The following PIGS variants were observed in gnomAD, a reference collection of about 807,000 sequenced individuals.
PIGS encodes the protein GPI-anchor transamidase component PIGS.
In PIGS, 37 loss-of-function variants were observed where a neutral mutation model predicts 58.2. The ratio of observed to expected loss-of-function variants is 0.64; its 90% CI spans 0.49 to 0.84. The LOEUF (loss-of-function observed/expected upper bound fraction) is 0.84. PIGS is among the 40% of genes least tolerant of loss of function. PIGS has a pLI of 0.00. For missense variants in PIGS, 629 were observed against 710.8 expected (o/e 0.88, Z 1.31); for synonymous variants, 269 against 289.2 (o/e 0.93, Z 0.71).
intron 10 of PIGS, chr17:28,555,709 G>C (rs757663352): frequency 5.9e-6 from 1 of 170,938 alleles, no homozygotes; most frequent in Non-Finnish European, 1.3e-5. Flanking sequence ...AGTGGCTCAC[G>C]CCTGTAATCC....
At chr17:28,569,429 C>T (rs2070414070) in intron 3 of PIGS, among the ~76,000 whole-genome samples, 1 of 148,956 alleles carries the variant, frequency 6.7e-6, no homozygotes, top group East Asian at 2.0e-4. Context: ...GGGCCCTGAT[C>T]GTGCCACCAT....
intron 1 of PIGS, 132 bp from the exon 2 acceptor site, chr17:28,571,320 G>A: frequency 6.6e-7 from 1 of 1,510,774 alleles, no homozygotes; most frequent in African/African-American, 1.4e-5. Context: ...GAAGGGACCC[G>A]GCCCAAGCCT....
Position 28,554,287 on chromosome 17 carries a change from AG to A in PIGS, c.1600del (p.Leu534SerfsTer53). 1 of 1,614,190 alleles carries A rather than the reference AG, an allele frequency of 6.2e-7. No individual in the cohort carries two copies. The highest frequency in any genetic ancestry group is 8.5e-7 in the Non-Finnish European group (1 of 1,180,022). On this transcript the variant is annotated frameshift_variant, in exon 12 of 12. Transcript: ENST00000308360. LOFTEE classifies it high-confidence loss of function. Reference sequence around the variant, plus strand: ...CAGGAAGATCTTGACCAGGGACAGGAGGATGGGCACAGCCATAGGCAGGAAG... The same window carrying A: ...CAGGAAGATCTTGACCAGGGACAGGAGATGGGCACAGCCATAGGCAGGAAG... ...PLFLPMAVPILLSLVKIFLET... is the reference protein window; with the variant it reads ...PLFLPMAVPIXLSLVKIFLET...
Position 28,571,507 on chromosome 17 carries a change from G to T in PIGS, c.-11C>A, listed in dbSNP as rs759367119. The T allele has an allele frequency of 6.2e-7, 1 of 1,601,788 alleles. No homozygotes were observed. The highest frequency in any genetic ancestry group is 1.7e-4 in the Middle Eastern group (1 of 6,042). On this transcript the variant is annotated 5_prime_UTR_variant, in exon 1 of 12. Transcript: ENST00000308360. ...CCCGGCGGCCGCCATGCTAGCTTCC[G>T]GCTGCTCCGGCCACCGTGGGGGCAG...
At chr17:28,560,009 A>C in intron 7 of PIGS, 40 bp downstream of exon 7, 4 of 1,574,020 alleles carry the variant, frequency 2.5e-6, no homozygotes, top group Non-Finnish European at 3.4e-6. Context: ...AAATATGTAT[A>C]GACATTGAAA....
intron 3 of PIGS, among the ~76,000 whole-genome samples, chr17:28,565,250 T>A (rs977513109): frequency 3.3e-5 from 5 of 152,036 alleles, no homozygotes; most frequent in Non-Finnish European, 5.9e-5. Flanking sequence ...AAAACCTCAA[T>A]CACATTAACA....
Position 28,570,943 on chromosome 17 carries a change from G to C in PIGS, c.195C>G (p.Val65=). Residue 65 remains valine (V), a synonymous_variant, in exon 3 of 12, where the codon GTC becomes GTG. Transcript: ENST00000308360. The part of the protein sequence containing the change: ...NALQLRLMVP[V]TVVFTRESVP... ...CTGACTCCCGCGTAAACACGACAGT[G>C]ACAGGCACCATGAGGCGGAGCTACA... 1 of 1,614,236 alleles carries C rather than the reference G, an allele frequency of 6.2e-7. No homozygotes were observed. The highest frequency in any genetic ancestry group is 8.5e-7 in the Non-Finnish European group (1 of 1,180,036).
rs746886185 is a variant in PIGS at position 28,570,957 on chromosome 17, G to A, written c.181C>T (p.Leu61Phe). Residue 61 changes from leucine to phenylalanine, a missense_variant, in exon 3 of 12, where the codon CTC (leucine) becomes TTC (phenylalanine). Transcript: ENST00000308360. ...AACACGACAGTGACAGGCACCATGA[G>A]GCGGAGCTACAGGAAGGAGCATCAG... Reference protein sequence around the residue: ...ISGLNALQLRLMVPVTVVFTR... With the variant: ...ISGLNALQLRFMVPVTVVFTR... 2 of 1,614,262 alleles carry A rather than the reference G, an allele frequency of 1.2e-6. No homozygotes were observed. The highest frequency in any genetic ancestry group is 3.3e-5 in the Admixed American group (2 of 60,032).
chr17:28,553,982 C>A lies in PIGS; in HGVS notation c.*238G>T. 1 of 555,084 alleles carries A rather than the reference C, an allele frequency of 1.8e-6. No individual in the cohort carries two copies. Among genetic ancestry groups the A allele is most frequent in the Non-Finnish European group, 3.2e-6 (1 of 312,326 alleles). 34.4% of individuals were successfully genotyped at this position (555,084 alleles called of 1,614,324 possible). ...AGCCTTATCAAACAAGATAAGGAGA[C>A]CCGGATGATGTGCCTTTTGAGGCCC... On this transcript the variant is annotated 3_prime_UTR_variant, in exon 12 of 12. Coordinates refer to ENST00000308360, the MANE Select transcript of PIGS (RefSeq NM_033198.4).
chr17:28,564,715 CAA>C (rs1185487806), intron 3 of PIGS, among the ~76,000 whole-genome samples: 11 of 97,984 alleles, frequency 1.1e-4, no homozygotes, highest in Non-Finnish European at 1.7e-4. Flanking sequence ...AACTCCATCT[CAA>C]AAAAAAAAAA....
chr17:28,571,234 T>C, intron 1 of PIGS, 46 bp from the exon 2 acceptor site: 1 of 1,591,354 alleles, frequency 6.3e-7, no homozygotes, highest in Non-Finnish European at 8.6e-7. Context: ...CGGGCTAGGG[T>C]ACCGGCCCCA....
At chr17:28,566,593 C>CTTTT (rs959977540) in intron 3 of PIGS, among the ~76,000 whole-genome samples, 2 of 131,412 alleles carry the variant, frequency 1.5e-5, no homozygotes, top group Non-Finnish European at 3.3e-5. Context: ...GCCCAGCCTA[C>CTTTT]TTTTTTTTTT....
At position 28,571,129 on chromosome 17, in the gene PIGS, GC is replaced by G; in HGVS notation, c.93del (p.Leu32TyrfsTer23). On this transcript the variant is annotated frameshift_variant, in exon 2 of 12. Transcript: ENST00000308360. LOFTEE classifies it high-confidence loss of function. ...LFFAAVAIVL[G>X]LPLWWKTTET... ...TCCGTGGTCTTCCACCAGAGCGGTAGCCCCAGCACGATGGCCACCGCAGCGA... is the reference window on the plus strand; with the variant it reads ...TCCGTGGTCTTCCACCAGAGCGGTAGCCCAGCACGATGGCCACCGCAGCGA... The G allele has an allele frequency of 6.2e-7, 1 of 1,613,944 alleles. No individual in the cohort carries two copies. Among genetic ancestry groups the G allele is most frequent in the Non-Finnish European group, 8.5e-7 (1 of 1,180,040 alleles).
At chr17:28,567,179 G>C (rs1233055800) in intron 3 of PIGS, among the ~76,000 whole-genome samples, 5 of 152,264 alleles carry the variant, frequency 3.3e-5, no homozygotes, top group Admixed American at 1.3e-4. Context: ...CATAATCTTT[G>C]CATCACCCAA....
At chr17:28,559,653 A>G (rs1446796711) in intron 7 of PIGS, among the ~76,000 whole-genome samples, 1 of 148,882 alleles carries the variant, frequency 6.7e-6, no homozygotes, top group African/African-American at 2.5e-5. Flanking sequence ...GTGAGCTGGG[A>G]TCACACCACT....
chr17:28,556,222 T>C lies in PIGS; in HGVS notation c.1125A>G (p.Pro375=), dbSNP rs1331353964. 3 of 1,613,908 alleles carry C rather than the reference T, an allele frequency of 1.9e-6. No homozygotes were observed. Among genetic ancestry groups the C allele is most frequent in the Middle Eastern group, 3.3e-4 (2 of 6,084 alleles). The change falls in exon 10 of 12, where the codon CCA becomes CCG. Residue 375 remains proline, a synonymous_variant. Transcript: ENST00000308360. ...DSKTYNASVL[P]VRVEVDMVRV... ...GCACCATGTCCACCTCGACTCTCAC[T>C]GGCAGCACTGAGGCATTATAGGTTT...
intron 1 of PIGS, 104 bp downstream of exon 1, chr17:28,571,359 G>A (rs2070428431): frequency 1.3e-6 from 2 of 1,540,332 alleles, no homozygotes; most frequent in Non-Finnish European, 1.8e-6. Flanking sequence ...AGAGACCCCC[G>A]AGCCCCCCGT....
chr17:28,559,963 C>A, intron 7 of PIGS, 86 bp downstream of exon 7: 3 of 1,475,992 alleles, frequency 2.0e-6, no homozygotes, highest in Non-Finnish European at 2.7e-6. Flanking sequence ...AGCAAATCAG[C>A]AAGCTCTAAG....
At position 28,558,507 on chromosome 17, in the gene PIGS, G is replaced by T. The variant is rs758648565; in HGVS notation, c.903C>A (p.Pro301=). 1 of 1,613,120 alleles carries T rather than the reference G, an allele frequency of 6.2e-7. No homozygotes were observed. The highest frequency in any genetic ancestry group is 8.5e-7 in the Non-Finnish European group (1 of 1,179,704). Residue 301 remains proline (P), a synonymous_variant, in exon 8 of 12, where the codon CCC becomes CCA. Transcript: ENST00000308360. ...SSYYLDMHSL[P]HVINPVESRL... is the part of the protein sequence containing the mutation. ...GGGACTCCACTGGGTTGATGACATGGGGGAGGCTGTGCATGTCCAAATAGT... is the reference window on the plus strand; with the variant it reads ...GGGACTCCACTGGGTTGATGACATGTGGGAGGCTGTGCATGTCCAAATAGT...
Sources: gnomAD v4.1 joint callset for allele counts (sites outside exome capture counted in the v4.1 genomes callset) on GRCh38, gnomAD v4.1.1 for gene constraint, MANE v1.5 for transcripts, NCBI Gene and HGNC (gene_info 2026-07-23, HGNC 2026-07-21) for gene names.